Variants in RFTN1 observed in about 807,000 individuals in gnomAD.
The protein encoded by RFTN1 is raftlin, lipid raft linker 1, also known as raftlin.
A neutral mutation model predicts 46.5 loss-of-function variants in RFTN1; 26 were observed. The ratio of observed to expected loss-of-function variants is 0.56; its 90% CI spans 0.41 to 0.78. RFTN1 has a LOEUF of 0.78. Among genes scored for constraint, RFTN1 ranks in the 30% least tolerant of loss-of-function variants. The pLI, the probability that RFTN1 is intolerant of heterozygous loss-of-function variation, is 0.00. For missense variants in RFTN1, 693 were observed against 718.7 expected, an observed-to-expected ratio of 0.96 and a Z score of 0.41; for synonymous variants, 261 against 284.2, an observed-to-expected ratio of 0.92 and a Z score of 0.82.
At position 16,448,191 on chromosome 3, in the gene RFTN1, A is replaced by G. The variant is rs562491386; in HGVS notation, c.146-14154T>C. On this transcript the variant is annotated intron_variant, in intron 2 of 9. Coordinates refer to ENST00000334133, the MANE Select transcript of RFTN1 (RefSeq NM_015150.2). This position sits in a 1 kb window ranked among gnomAD's most constrained non-coding sequence, Gnocchi z 4.1. ...ATATTGAAATGATAAATTGTCTAAG[A>G]TATTGGATTAAATAAAATATATCAT... 1.3e-5 allele frequency among the ~76,000 whole-genome samples: 2 copies of G among 152,096 alleles called. No homozygotes were observed. Among genetic ancestry groups the G allele is most frequent in the East Asian group, 3.9e-4 (2 of 5,188 alleles).
chr3:16,378,455 T>C (rs1345701579), intron 4 of RFTN1, among the ~76,000 whole-genome samples: 4 of 152,244 alleles, frequency 2.6e-5, no homozygotes, highest in Admixed American at 1.3e-4. Flanking sequence ...GTTTGTTTTA[T>C]TAAGAGTTTA....
intron 1 of RFTN1, among the ~76,000 whole-genome samples, chr3:16,502,231 G>T (rs948268003): frequency 6.6e-6 from 1 of 151,928 alleles, no homozygotes; most frequent in Non-Finnish European, 1.5e-5. Flanking sequence ...AAATTAGCTG[G>T]ACATGGCAGG....
intron 2 of RFTN1, among the ~76,000 whole-genome samples, chr3:16,464,860 C>T (rs1575329813): frequency 6.6e-6 from 1 of 152,328 alleles, no homozygotes; most frequent in East Asian, 1.9e-4. Context: ...GTTTGCCAGC[C>T]CCTGCTTCAT....
chr3:16,321,255 G>A lies in RFTN1; in HGVS notation c.1332+2121C>T, dbSNP rs192742647. ...TGCAGTGAGGGCTGAAAATGCAGGCGGAATGGTCATTGGCACAGAGGTGGT... is the reference window on the plus strand; with the variant it reads ...TGCAGTGAGGGCTGAAAATGCAGGCAGAATGGTCATTGGCACAGAGGTGGT... On this transcript the variant is annotated intron_variant, in intron 9 of 9. Coordinates refer to ENST00000334133, the MANE Select transcript of RFTN1 (RefSeq NM_015150.2). This position sits in a 1 kb window ranked among gnomAD's most constrained non-coding sequence, Gnocchi z 4.8. 3.6e-4 allele frequency among the ~76,000 whole-genome samples: 55 copies of A among 152,250 alleles called. No individual in the cohort carries two copies. In the East Asian group the frequency reaches 9.3e-3, roughly 26 times the overall value.
rs1190934858 is a variant in RFTN1 at position 16,380,137 on chromosome 3, T to C, written c.442-2035A>G. On this transcript the variant is annotated intron_variant, in intron 4 of 9. Coordinates refer to ENST00000334133, the MANE Select transcript of RFTN1 (RefSeq NM_015150.2). The surrounding 1 kb of genome is among the most constrained non-coding windows in gnomAD (Gnocchi z 4.8). ...AAATAGCATGAAGTTTAAAGGCTTT[T>C]GGAAAGGCCTGATGTGGAGCCCCAG... Among the ~76,000 whole-genome samples, 5 of 152,232 alleles carry C rather than the reference T, an allele frequency of 3.3e-5. No homozygotes were observed. The highest frequency in any genetic ancestry group is 2.1e-4 in the South Asian group (1 of 4,836).
At chr3:16,366,017 T>C (rs2073145209) in intron 6 of RFTN1, among the ~76,000 whole-genome samples, 1 of 150,386 alleles carries the variant, frequency 6.6e-6, no homozygotes, top group South Asian at 2.1e-4. Context: ...ACTGCCAGGG[T>C]AGGAAAGGGC....
chr3:16,379,649 G>T (rs969730135), intron 4 of RFTN1, among the ~76,000 whole-genome samples: 1 of 152,138 alleles, frequency 6.6e-6, no homozygotes, highest in African/African-American at 2.4e-5. Context: ...CTATGGGCAT[G>T]TATGTGTCCA....
rs1252589440 is a variant in RFTN1 at position 16,483,699 on chromosome 3, T to C, written c.145+10026A>G. 6.6e-6 allele frequency among the ~76,000 whole-genome samples: 1 copy of C among 152,174 alleles called. No individual in the cohort carries two copies. The highest frequency in any genetic ancestry group is 1.9e-4 in the East Asian group (1 of 5,200). ...GGTAGGTAAGTAAACATTTGTTGAA[T>C]TTATTTTATACTCAAAAGATCACAC... On this transcript the variant is annotated intron_variant, in intron 2 of 9. Transcript: ENST00000334133. This position sits in a 1 kb window ranked among gnomAD's most constrained non-coding sequence, Gnocchi z 4.8.
At chr3:16,416,950 C>T (rs529177235) in intron 3 of RFTN1, among the ~76,000 whole-genome samples, 5 of 151,850 alleles carry the variant, frequency 3.3e-5, no homozygotes, top group Non-Finnish European at 7.4e-5. Flanking sequence ...GCGTTAAGTA[C>T]CTTCACAATG....
rs2071090210 is a variant in RFTN1, at chr3:16,338,693, T to C, written c.1147-11817A>G. Among the ~76,000 whole-genome samples, 1 of 152,272 alleles carries C rather than the reference T, an allele frequency of 6.6e-6. No homozygotes were observed. The highest frequency in any genetic ancestry group is 2.1e-4 in the South Asian group (1 of 4,830). ...GGACTTGCTACTTTATTACTCTCTT[T>C]AGACTATCAGAGATGAATGAGGGAT... On this transcript the variant is annotated intron_variant, in intron 7 of 9. Transcript: ENST00000334133. The surrounding 1 kb of genome is among the most constrained non-coding windows in gnomAD (Gnocchi z 5.3).
At position 16,387,260 on chromosome 3, in the gene RFTN1, C is replaced by A. The variant is rs1265318018; in HGVS notation, c.442-9158G>T. Among the ~76,000 whole-genome samples, 2 of 152,230 alleles carry A rather than the reference C, an allele frequency of 1.3e-5. No individual in the cohort carries two copies. Among genetic ancestry groups the A allele is most frequent in the African/African-American group, 4.8e-5 (2 of 41,460 alleles). ...TCAAGGTCTCCCGCCAAGGCTGAGG[C>A]CACACGGCCACCCTGCAGTGGCTCC... On this transcript the variant is annotated intron_variant, in intron 4 of 9. Transcript: ENST00000334133. The surrounding 1 kb of genome is among the most constrained non-coding windows in gnomAD (Gnocchi z 5.2).
rs2075831154 is a variant in RFTN1 at position 16,452,122 on chromosome 3, A to C, written c.146-18085T>G. On this transcript the variant is annotated intron_variant, in intron 2 of 9. Coordinates refer to ENST00000334133, the MANE Select transcript of RFTN1 (RefSeq NM_015150.2). This position sits in a 1 kb window ranked among gnomAD's most constrained non-coding sequence, Gnocchi z 6.3. ...GTGAGTAATTGAAAACTTATGCATT[A>C]TTTCTAGAATTTTTCATTTCATATT... Among the ~76,000 whole-genome samples the C allele has an allele frequency of 6.6e-6, 1 of 152,308 alleles. No homozygotes were observed. The highest frequency in any genetic ancestry group is 2.1e-4 in the South Asian group (1 of 4,826).
intron 2 of RFTN1, among the ~76,000 whole-genome samples, chr3:16,488,397 C>T (rs1391617971): frequency 1.3e-5 from 2 of 152,210 alleles, no homozygotes; most frequent in African/African-American, 2.4e-5. Flanking sequence ...CTGCACCCAG[C>T]TTATCCTCAC....
At position 16,459,792 on chromosome 3, in the gene RFTN1, T is replaced by C. The variant is rs1340688059; in HGVS notation, c.146-25755A>G. Among the ~76,000 whole-genome samples the C allele has an allele frequency of 2.6e-5, 4 of 151,942 alleles. No homozygotes were observed. The highest frequency in any genetic ancestry group is 5.9e-5 in the Non-Finnish European group (4 of 68,016). On this transcript the variant is annotated intron_variant, in intron 2 of 9. Transcript: ENST00000334133. The surrounding 1 kb of genome is among the most constrained non-coding windows in gnomAD (Gnocchi z 4.2). The stretch of plus-strand genomic sequence containing the variant: ...GAAAAAGGAACATATTATAGAATTA[T>C]TGGCCATTGTTGTTTATTTAAATGC...
rs2075006759 is a variant in RFTN1 at position 16,413,077 on chromosome 3, C to T, written c.333-3594G>A. On this transcript the variant is annotated intron_variant, in intron 3 of 9. Transcript: ENST00000334133. This position sits in a 1 kb window ranked among gnomAD's most constrained non-coding sequence, Gnocchi z 4.7. Reference sequence around the variant, plus strand: ...CATTTTGAACCATGAAATGTGTTATCATTTATTACAGAGCATAGAAAACTA... The same window carrying T: ...CATTTTGAACCATGAAATGTGTTATTATTTATTACAGAGCATAGAAAACTA... Among the ~76,000 whole-genome samples the T allele has an allele frequency of 6.6e-6, 1 of 152,172 alleles. No individual in the cohort carries two copies. The highest frequency in any genetic ancestry group is 2.4e-5 in the African/African-American group (1 of 41,430).
chr3:16,469,577 G>C (rs533675630), intron 2 of RFTN1, among the ~76,000 whole-genome samples: 1 of 152,284 alleles, frequency 6.6e-6, no homozygotes, highest in South Asian at 2.1e-4. Context: ...CGCAAAGTGG[G>C]ACTCCAGGAT....
chr3:16,390,755 G>A (rs1473136683), intron 4 of RFTN1, among the ~76,000 whole-genome samples: 3 of 152,294 alleles, frequency 2.0e-5, no homozygotes, highest in Non-Finnish European at 4.4e-5. Context: ...AGCTGTCATT[G>A]CCCTCTGGGG....
Position 16,334,773 on chromosome 3 carries a change from G to T in RFTN1, c.1147-7897C>A, listed in dbSNP as rs969883651. ...AGGAGCCTGTGAAAATGTTCCCTTCGCATGGTAAAGGGATGTGGCAGATAT... is the reference window on the plus strand; with the variant it reads ...AGGAGCCTGTGAAAATGTTCCCTTCTCATGGTAAAGGGATGTGGCAGATAT... On this transcript the variant is annotated intron_variant, in intron 7 of 9. Coordinates refer to ENST00000334133, the MANE Select transcript of RFTN1 (RefSeq NM_015150.2). This position sits in a 1 kb window ranked among gnomAD's most constrained non-coding sequence, Gnocchi z 4.3. Among the ~76,000 whole-genome samples, 27 of 152,296 alleles carry T rather than the reference G, an allele frequency of 1.8e-4. No homozygotes were observed. The highest frequency in any genetic ancestry group is 3.4e-3 in the Middle Eastern group (1 of 294).
At chr3:16,505,484 T>C (rs1316074206) in intron 1 of RFTN1, among the ~76,000 whole-genome samples, 1 of 152,204 alleles carries the variant, frequency 6.6e-6, no homozygotes, top group Non-Finnish European at 1.5e-5. Flanking sequence ...TAGAGGTATT[T>C]ATTATAAGGA....
Sources: allele counts gnomAD v4.1 joint callset (sites outside exome capture counted in the v4.1 genomes callset), GRCh38; gene constraint gnomAD v4.1.1; non-coding constraint Gnocchi (gnomAD v3.1); transcripts MANE v1.5; gene names NCBI Gene and HGNC (gene_info 2026-07-23, HGNC 2026-07-21).